Variants in HRH1 observed in about 807,000 individuals in gnomAD.
HRH1 encodes the protein histamine receptor H1, also known as histamine H1 receptor.
A neutral mutation model predicts 10.3 loss-of-function variants in HRH1; 6 were observed. The ratio of observed to expected loss-of-function variants is 0.58; its 90% CI spans 0.32 to 1.15. The LOEUF (loss-of-function observed/expected upper bound fraction) is 1.15. Ranked by LOEUF, HRH1 falls within the 50% of genes most tolerant of loss-of-function variation. HRH1 has a pLI of 0.05. For missense variants in HRH1, 514 were observed against 615.3 expected (o/e 0.84, Z 1.74); for synonymous variants, 242 against 236.7 (o/e 1.02, Z -0.21).
chr3:11,169,545 C>G (rs1937113485), intron 1 of HRH1, among the ~76,000 whole-genome samples: 1 of 152,124 alleles, frequency 6.6e-6, no homozygotes, highest in South Asian at 2.1e-4. Flanking sequence ...ATGGAGGGGA[C>G]AAAGGCTGGC....
At chr3:11,179,075 G>T (rs1300801484) in intron 1 of HRH1, among the ~76,000 whole-genome samples, 1 of 152,124 alleles carries the variant, frequency 6.6e-6, no homozygotes, top group Non-Finnish European at 1.5e-5. Context: ...ATCACCTGAG[G>T]TCAGAAGTTC....
intron 1 of HRH1, among the ~76,000 whole-genome samples, chr3:11,139,040 T>C (rs1936241285): frequency 6.7e-6 from 1 of 149,978 alleles, no homozygotes; most frequent in South Asian, 2.1e-4. Context: ...CAGGCTAGAG[T>C]GCAATGGTGC....
intron 1 of HRH1, among the ~76,000 whole-genome samples, chr3:11,165,792 A>G (rs763055842): frequency 2.0e-5 from 3 of 152,178 alleles, no homozygotes; most frequent in Non-Finnish European, 4.4e-5. Context: ...CTATCTGTGC[A>G]CTAAATGTTA....
In HRH1 at chr3:11,260,536, T is replaced by C. The variant is rs1332687630; in HGVS notation, c.*35T>C. 1 of 1,530,680 alleles carries C rather than the reference T, an allele frequency of 6.5e-7. No homozygotes were observed. The highest frequency in any genetic ancestry group is 8.8e-7 in the Non-Finnish European group (1 of 1,137,678). The allele number at this position is 1,530,680 out of a possible 1,614,324, so 94.8% of individuals were successfully genotyped here. A position where few individuals can be genotyped will look rare whatever the true frequency, so the allele number is the denominator to read the frequency against. Reference sequence around the variant, plus strand: ...TGAGGGGATGCAACAAAATGATCCTTATGATGTCCAACAAGGAAATAGAGG... The same window carrying C: ...TGAGGGGATGCAACAAAATGATCCTCATGATGTCCAACAAGGAAATAGAGG... On this transcript the variant is annotated 3_prime_UTR_variant, in exon 2 of 2. Coordinates refer to ENST00000431010, the MANE Select transcript of HRH1 (RefSeq NM_001098212.2).
At chr3:11,250,093 A>T (rs1164938593) in intron 1 of HRH1, among the ~76,000 whole-genome samples, 2 of 116,452 alleles carry the variant, frequency 1.7e-5, no homozygotes, top group African/African-American at 3.4e-5. Context: ...CCCAGGCTGG[A>T]GTGCAGTGGC....
intron 1 of HRH1, among the ~76,000 whole-genome samples, chr3:11,171,123 C>CTTTT (rs200795325): frequency 0.019 from 2,731 of 142,190 alleles, 104 homozygotes; most frequent in African/African-American, 0.065. Context: ...TTTTTCTTTT[C>CTTTT]TTTTTTTTTT....
chr3:11,234,177 C>T lies in HRH1; in HGVS notation c.-35-24826C>T, dbSNP rs537920182. ...AGGACAACAGAGGGAAAGACACTTT[C>T]TTGGAAGGTGACAACAAGGTCTTTT... On this transcript the variant is annotated intron_variant, in intron 1 of 1. Transcript: ENST00000431010. The T allele has an allele frequency of 2.0e-5, 17 of 868,706 alleles. No individual in the cohort carries two copies. The South Asian group carries it at 2.8e-4, about 14-fold the overall frequency. 53.8% of individuals were successfully genotyped at this position (868,706 alleles called of 1,614,324 possible).
At chr3:11,142,819 C>G (rs749568958) in intron 1 of HRH1, among the ~76,000 whole-genome samples, 1 of 151,980 alleles carries the variant, frequency 6.6e-6, no homozygotes, top group Non-Finnish European at 1.5e-5. Context: ...GAGGCTGAGG[C>G]AGGAGAATTG....
In HRH1 at chr3:11,229,291, A is replaced by G. The variant is rs187416180; in HGVS notation, c.-35-29712A>G. On this transcript the variant is annotated intron_variant, in intron 1 of 1. Coordinates refer to ENST00000431010, the MANE Select transcript of HRH1 (RefSeq NM_001098212.2). ...TCCTGGAGAAGAGAATACTGTGTGT[A>G]GAGCCCCCAAAAACTGAAAGAACCT... 5.3e-5 allele frequency among the ~76,000 whole-genome samples: 8 copies of G among 152,326 alleles called. No homozygotes were observed. The South Asian group carries it at 1.0e-3, about 20-fold the overall frequency.
At chr3:11,223,183 C>CAAAAAAAA (rs58149660) in intron 1 of HRH1, among the ~76,000 whole-genome samples, 1 of 26,808 alleles carries the variant, frequency 3.7e-5, no homozygotes, top group Non-Finnish European at 6.3e-5. Context: ...GACTTCGTCT[C>CAAAAAAAA]AAAAAAAAAA....
intron 1 of HRH1, among the ~76,000 whole-genome samples, chr3:11,138,901 C>T (rs1254681608): frequency 1.3e-5 from 2 of 151,750 alleles, no homozygotes; most frequent in Non-Finnish European, 2.9e-5. Context: ...TGTCAAACTC[C>T]TGGGCTCAAA....
intron 1 of HRH1, among the ~76,000 whole-genome samples, chr3:11,226,885 T>TAA (rs11312109): frequency 3.4e-4 from 45 of 133,378 alleles, no homozygotes; most frequent in African/African-American, 1.1e-3. Context: ...AGACTCAGTC[T>TAA]AAAAAAAAAA....
chr3:11,245,209 C>T (rs1939446341), intron 1 of HRH1, among the ~76,000 whole-genome samples: 2 of 152,070 alleles, frequency 1.3e-5, no homozygotes, highest in African/African-American at 2.4e-5. Flanking sequence ...AAAAATTAGC[C>T]GGGTATGGTG....
chr3:11,215,790 A>G (rs1938473087), intron 1 of HRH1, among the ~76,000 whole-genome samples: 2 of 152,222 alleles, frequency 1.3e-5, no homozygotes, highest in African/African-American at 4.8e-5. Flanking sequence ...TGACTAATTC[A>G]GTGAATCAGT....
intron 1 of HRH1, among the ~76,000 whole-genome samples, chr3:11,214,018 CAG>C (rs1240618264): frequency 2.0e-5 from 3 of 152,126 alleles, no homozygotes; most frequent in Admixed American, 1.3e-4. Flanking sequence ...GCAAGGGTCT[CAG>C]GGGGTCAGCG....
chr3:11,251,498 G>A (rs2152586432), intron 1 of HRH1, among the ~76,000 whole-genome samples: 1 of 152,296 alleles, frequency 6.6e-6, no homozygotes, highest in Admixed American at 6.5e-5. Context: ...TCATTAGGTA[G>A]GGTGTCTCCG....
At chr3:11,256,164 G>T (rs186783142) in intron 1 of HRH1, among the ~76,000 whole-genome samples, 1 of 152,270 alleles carries the variant, frequency 6.6e-6, no homozygotes, top group East Asian at 1.9e-4. Context: ...GCAGGACTTT[G>T]GGTCACCCAA....
At position 11,259,476 on chromosome 3, in the gene HRH1, A is replaced by G. The variant is rs774949528; in HGVS notation, c.439A>G (p.Thr147Ala). Residue 147 changes from threonine to alanine, a missense_variant, in exon 2 of 2, where the codon ACC becomes GCC. By Grantham distance (58) the Thr-to-Ala change is moderately conservative (BLOSUM62 0). Transcript: ENST00000431010. The surrounding 1 kb of genome is among the most constrained non-coding windows in gnomAD (Gnocchi z 4.6). ...KYRTKTRASA[T>A]ILGAWFLSFL... Reference sequence around the variant, plus strand: ...TCGTACCAAGACCCGAGCCTCGGCCACCATTCTGGGGGCCTGGTTTCTCTC... The same window carrying G: ...TCGTACCAAGACCCGAGCCTCGGCCGCCATTCTGGGGGCCTGGTTTCTCTC... 3.7e-6 allele frequency: 6 copies of G among 1,613,618 alleles called. No homozygotes were observed. The highest frequency in any genetic ancestry group is 1.1e-5 in the South Asian group (1 of 91,048).
At chr3:11,203,769 G>C (rs1206658082) in intron 1 of HRH1, among the ~76,000 whole-genome samples, 1 of 152,118 alleles carries the variant, frequency 6.6e-6, no homozygotes, top group Non-Finnish European at 1.5e-5. Flanking sequence ...TCTTAAAGTT[G>C]GGTAGTGTCA....
Sources: gnomAD v4.1 joint callset for allele counts (sites outside exome capture counted in the v4.1 genomes callset) on GRCh38, gnomAD v4.1.1 for gene constraint, Gnocchi (gnomAD v3.1) non-coding constraint, MANE v1.5 for transcripts, NCBI Gene and HGNC (gene_info 2026-07-23, HGNC 2026-07-21) for gene names.